The following LRRC37A variants were observed in gnomAD, a reference collection of about 807,000 sequenced individuals.
LRRC37A encodes the protein leucine-rich repeat-containing protein 37A.
A neutral mutation model predicts 35.4 loss-of-function variants in LRRC37A; 3 were observed. The observed-to-expected ratio is 0.08, with a 90% CI of 0.04 to 0.22. The LOEUF is 0.22. LRRC37A is among the 10% of genes least tolerant of loss of function. The pLI is 1.00. For synonymous variants in LRRC37A, 23 were observed against 215.0 expected (o/e 0.11, Z 7.81); for missense variants, 67 against 565.3 (o/e 0.12, Z 8.94).
chr17:46,291,234 A>G (rs2050057647), upstream of LRRC37A, among the ~76,000 whole-genome samples: 1 of 152,278 alleles, frequency 6.6e-6, no homozygotes, highest in Non-Finnish European at 1.5e-5. Context: ...AAGATGGTAT[A>G]GCGGGTGCAC....
the LRRC37A span, among the ~76,000 whole-genome samples, chr17:46,248,974 A>G: frequency 1.3e-5 from 2 of 151,958 alleles, no homozygotes. Context: ...TAAAATAACT[A>G]TAAGACAATA....
the LRRC37A span, among the ~76,000 whole-genome samples, chr17:46,262,015 C>A: frequency 6.6e-6 from 1 of 152,140 alleles, no homozygotes; most frequent in African/African-American, 2.4e-5. Context: ...AGTGATGCCA[C>A]CTGAGCTCAC....
chr17:46,279,184 C>CTT, the LRRC37A span, among the ~76,000 whole-genome samples: 59 of 136,970 alleles, frequency 4.3e-4, no homozygotes, highest in South Asian at 1.1e-3. Flanking sequence ...TCTTTTTTTT[C>CTT]TTTTTTTTTT....
the LRRC37A span, among the ~76,000 whole-genome samples, chr17:46,279,943 T>C: frequency 1.3e-5 from 2 of 152,350 alleles, no homozygotes; most frequent in Non-Finnish European, 2.9e-5. Context: ...CTTGCCCTAC[T>C]GACCCTCTGG....
At chr17:46,284,315 C>A in the LRRC37A span, among the ~76,000 whole-genome samples, 1 of 149,018 alleles carries the variant, frequency 6.7e-6, no homozygotes, top group African/African-American at 2.4e-5. Flanking sequence ...GGGCACTTGA[C>A]ATTAGGGAGT....
At chr17:46,285,263 CAG>C in the LRRC37A span, among the ~76,000 whole-genome samples, 8 of 141,698 alleles carry the variant, frequency 5.6e-5, no homozygotes, top group Admixed American at 5.8e-4. Flanking sequence ...TTTTTTGAGA[CAG>C]AGTCTCACAC....
intron 7 of LRRC37A, among the ~76,000 whole-genome samples, chr17:46,327,535 A>C (rs1355714148): frequency 6.2e-5 from 1 of 16,130 alleles, no homozygotes; most frequent in African/African-American, 1.1e-4. Context: ...TTGAGGCTGC[A>C]TTGAGGTATA....
chr17:46,267,719 G>C, the LRRC37A span, among the ~76,000 whole-genome samples: 1 of 151,974 alleles, frequency 6.6e-6, no homozygotes, highest in African/African-American at 2.4e-5. Flanking sequence ...CCCCACGGGT[G>C]AGAACGGCAG....
chr17:46,326,995 C>T (rs1194081716), intron 7 of LRRC37A, among the ~76,000 whole-genome samples: 1 of 80,496 alleles, frequency 1.2e-5, no homozygotes. Flanking sequence ...GTACAGAATC[C>T]AATCAAAGAT....
At chr17:46,249,470 A>G in the LRRC37A span, among the ~76,000 whole-genome samples, 2 of 152,156 alleles carry the variant, frequency 1.3e-5, no homozygotes, top group Non-Finnish European at 2.9e-5. Context: ...GATGTTTGAA[A>G]TTCTTGATAA....
chr17:46,256,410 G>GA, the LRRC37A span, among the ~76,000 whole-genome samples: 18 of 145,922 alleles, frequency 1.2e-4, no homozygotes, highest in Admixed American at 2.7e-4. Flanking sequence ...AAAACAAAAA[G>GA]AAAAAAAAAA....
chr17:46,290,030 G>T (rs997343578), upstream of LRRC37A, among the ~76,000 whole-genome samples: 1 of 152,246 alleles, frequency 6.6e-6, no homozygotes, highest in African/African-American at 2.4e-5. Flanking sequence ...GAGGTTGGAG[G>T]CTCCTTTAAG....
chr17:46,284,656 G>A, the LRRC37A span, among the ~76,000 whole-genome samples: 19 of 152,254 alleles, frequency 1.2e-4, no homozygotes, highest in Non-Finnish European at 2.5e-4. Flanking sequence ...CTGTCACTGA[G>A]TGATGCTGGC....
At chr17:46,317,142 GGGT>G (rs2051187049) in intron 5 of LRRC37A, among the ~76,000 whole-genome samples, 1 of 89,944 alleles carries the variant, frequency 1.1e-5, no homozygotes, top group Non-Finnish European at 3.2e-5. Flanking sequence ...CTCCCAGATG[GGGT>G]GGCGGCCGGG....
At chr17:46,285,533 A>T in the LRRC37A span, among the ~76,000 whole-genome samples, 1 of 152,296 alleles carries the variant, frequency 6.6e-6, no homozygotes, top group South Asian at 2.1e-4. Context: ...GAGCCCCCGT[A>T]CCCAGCCACC....
At chr17:46,258,263 T>G in the LRRC37A span, among the ~76,000 whole-genome samples, 1 of 151,276 alleles carries the variant, frequency 6.6e-6, no homozygotes, top group Non-Finnish European at 1.5e-5. Context: ...CAGGCTGGAG[T>G]GCAGCGGCAC....
At chr17:46,280,100 C>T in the LRRC37A span, among the ~76,000 whole-genome samples, 16,999 of 147,150 alleles carry the variant, frequency 0.12, 2 homozygotes, top group Middle Eastern at 0.18. Context: ...TGGCCAGGCG[C>T]GGTGGCTCAC....
At chr17:46,268,685 A>G in the LRRC37A span, 3 of 1,485,866 alleles carry the variant, frequency 2.0e-6, no homozygotes, top group African/African-American at 1.5e-5. Flanking sequence ...TTCATACCCA[A>G]TGCATTTGAA....
chr17:46,255,727 G>A, the LRRC37A span, among the ~76,000 whole-genome samples: 1 of 149,972 alleles, frequency 6.7e-6, no homozygotes, highest in African/African-American at 2.5e-5. Context: ...CCAGGCTGGA[G>A]TGCAGTGGCA....
Sources: allele counts gnomAD v4.1 joint callset (sites outside exome capture counted in the v4.1 genomes callset), GRCh38; gene constraint gnomAD v4.1.1; transcripts MANE v1.5; gene names NCBI Gene and HGNC (gene_info 2026-07-23, HGNC 2026-07-21).